ZFYVE26: variants seen among roughly 807,000 people sequenced by gnomAD.
The protein encoded by ZFYVE26 is zinc finger FYVE domain-containing protein 26.
A neutral mutation model predicts 276.5 loss-of-function variants in ZFYVE26; 181 were observed. The ratio of observed to expected loss-of-function variants is 0.65; its 90% CI spans 0.58 to 0.74. The LOEUF is 0.74. Ranked by LOEUF, ZFYVE26 falls within the 30% of genes least tolerant of loss-of-function variation. The probability of loss-of-function intolerance (pLI) is 0.00; values close to 1 mark genes in which losing one functional copy is unlikely to be tolerated. For synonymous variants in ZFYVE26, 1,129 were observed against 1,203.1 expected (o/e 0.94, Z 1.27); for missense variants, 2,821 against 3,097.9 (o/e 0.91, Z 2.12).
intron 28 of ZFYVE26, among the ~76,000 whole-genome samples, chr14:67,771,152 C>T (rs772666938): frequency 2.0e-5 from 3 of 152,066 alleles, no homozygotes; most frequent in Admixed American, 6.6e-5. Context: ...AAGTACACTC[C>T]GTGTCTGTTG....
At chr14:67,784,480 C>T (rs770441709) in intron 19 of ZFYVE26, 44 bp from the exon 20 acceptor site, 68 of 1,561,940 alleles carry the variant, frequency 4.4e-5, no homozygotes, top group Non-Finnish European at 5.9e-5. Flanking sequence ...CCACTGACTG[C>T]AAGAGTTCAG....
chr14:67,766,133 G>A, intron 32 of ZFYVE26, 94 bp downstream of exon 32: 1 of 1,178,322 alleles, frequency 8.5e-7, no homozygotes, highest in Admixed American at 1.7e-5. Flanking sequence ...TTGTCAGAGA[G>A]GATGGTGAGA....
chr14:67,799,164 T>C (rs1353277005), intron 10 of ZFYVE26: 30 of 1,568,898 alleles, frequency 1.9e-5, no homozygotes, highest in Non-Finnish European at 2.5e-5. Context: ...TTAGAGGACA[T>C]TCAAGCTTTT....
intron 2 of ZFYVE26, among the ~76,000 whole-genome samples, chr14:67,814,718 G>A (rs749588254): frequency 7.2e-5 from 11 of 152,024 alleles, no homozygotes; most frequent in Non-Finnish European, 1.0e-4. Flanking sequence ...TCTTAAAAAA[G>A]GAACTTCATA....
chr14:67,771,573 C>A (rs1273000516), intron 28 of ZFYVE26, among the ~76,000 whole-genome samples: 1 of 152,228 alleles, frequency 6.6e-6, no homozygotes, highest in Non-Finnish European at 1.5e-5. Flanking sequence ...TTAATCCTAA[C>A]AGCTCCATGA....
At chr14:67,813,891 TAAAG>T in intron 3 of ZFYVE26, 91 bp downstream of exon 3, 1 of 873,268 alleles carries the variant, frequency 1.1e-6, no homozygotes, top group South Asian at 1.4e-5. Flanking sequence ...AATTTAATGA[TAAAG>T]GAAGTAACAG....
rs141871087 is a variant in ZFYVE26, at chr14:67,797,615, T to C, written c.2332+57A>G. 6.6e-5 allele frequency: 104 copies of C among 1,569,064 alleles called. No individual in the cohort carries two copies. In the African/African-American group the frequency reaches 1.1e-3, roughly 17 times the overall value. ...CCATGTGCTGTTTCTTAAAGAGTAT[T>C]AGACAAGCAGCATTACACCACTTGC... is the stretch of plus-strand genomic sequence containing the variant. On this transcript the variant is annotated intron_variant, in intron 12 of 41. Coordinates refer to ENST00000347230, the MANE Select transcript of ZFYVE26 (RefSeq NM_015346.4).
chr14:67,809,114 G>C, intron 4 of ZFYVE26, 86 bp downstream of exon 4: 1 of 1,163,496 alleles, frequency 8.6e-7, no homozygotes, highest in South Asian at 1.2e-5. Flanking sequence ...CAACATCTTG[G>C]AGACCTCTCT....
intron 13 of ZFYVE26, among the ~76,000 whole-genome samples, chr14:67,738,829 T>C (rs2038382313): frequency 6.6e-6 from 1 of 152,244 alleles, no homozygotes; most frequent in Admixed American, 6.5e-5. Context: ...ACTCTGACTT[T>C]GTTCCAGTGT....
chr14:67,730,428 C>T (rs2038254193), intron 13 of ZFYVE26, among the ~76,000 whole-genome samples: 1 of 152,084 alleles, frequency 6.6e-6, no homozygotes. Flanking sequence ...TCTGAAAATT[C>T]GGAGTCCGGA....
At chr14:67,733,974 T>A (rs928264642) in intron 13 of ZFYVE26, 3 of 689,002 alleles carry the variant, frequency 4.4e-6, no homozygotes, top group Admixed American at 2.1e-5. Context: ...CCTGCTCTGA[T>A]CCTCTTGACC....
intron 6 of ZFYVE26, 137 bp from the exon 7 acceptor site, chr14:67,805,755 G>T: frequency 9.6e-7 from 1 of 1,040,446 alleles, no homozygotes; most frequent in Non-Finnish European, 1.4e-6. Context: ...TTGGCTGGGC[G>T]TAGTGGCTCA....
intron 15 of ZFYVE26, 62 bp from the exon 16 acceptor site, chr14:67,789,660 T>A: frequency 6.2e-7 from 1 of 1,604,700 alleles, no homozygotes; most frequent in Admixed American, 1.7e-5. Flanking sequence ...ACAACTTTTA[T>A]TAGGTAAAGT....
Position 67,792,902 on chromosome 14 carries a change from C to G in ZFYVE26, c.2553+706G>C, listed in dbSNP as rs1488276750. Among the ~76,000 whole-genome samples, 13 of 29,260 alleles carry G rather than the reference C, an allele frequency of 4.4e-4. No individual in the cohort carries two copies. The Admixed American group carries it at 6.6e-3, about 15-fold the overall frequency. 19.2% of individuals were successfully genotyped at this position (29,260 alleles called of 152,430 possible). Reference sequence around the variant, plus strand: ...ACTCCAGCAGCCTGGGTGACAAAAGCAAATCTGTCTCAAAAAAAAAAAAAA... The same window carrying G: ...ACTCCAGCAGCCTGGGTGACAAAAGGAAATCTGTCTCAAAAAAAAAAAAAA... On this transcript the variant is annotated intron_variant, in intron 14 of 41. Transcript: ENST00000347230.
chr14:67,735,304 C>CGAGTGAGA (rs1168373245), intron 13 of ZFYVE26: 3 of 840,762 alleles, frequency 3.6e-6, no homozygotes, highest in Non-Finnish European at 6.3e-6. Context: ...TCTCACCTCT[C>CGAGTGAGA]TGTAGTGTCT....
intron 28 of ZFYVE26, chr14:67,770,032 CT>C: frequency 2.3e-6 from 1 of 439,978 alleles, no homozygotes; most frequent in South Asian, 2.1e-5. Flanking sequence ...GAAGAAGTCA[CT>C]TTCTAAGCCA....
At chr14:67,794,700 G>A (rs571947041) in intron 12 of ZFYVE26, among the ~76,000 whole-genome samples, 48 of 152,296 alleles carry the variant, frequency 3.2e-4, no homozygotes, top group African/African-American at 7.5e-4. Context: ...ATCCCAGCAC[G>A]TTGGGAGGCC....
chr14:67,742,002 C>T (rs777966368), downstream of ZFYVE26, among the ~76,000 whole-genome samples: 5 of 152,336 alleles, frequency 3.3e-5, no homozygotes, highest in South Asian at 6.2e-4. Context: ...GAAGAACAAG[C>T]GCCCACGGAG....
At chr14:67,771,913 A>G in intron 28 of ZFYVE26, 134 bp downstream of exon 28, 1 of 1,233,016 alleles carries the variant, frequency 8.1e-7, no homozygotes, top group Non-Finnish European at 1.2e-6. Flanking sequence ...AATGAACCCA[A>G]AGTCTTAGAT....
Sources: gnomAD v4.1 joint callset for allele counts (sites outside exome capture counted in the v4.1 genomes callset) on GRCh38, gnomAD v4.1.1 for gene constraint, MANE v1.5 for transcripts, NCBI Gene and HGNC (gene_info 2026-07-23, HGNC 2026-07-21) for gene names.